RNASET2: variants seen among roughly 807,000 people sequenced by gnomAD.
RNASET2 encodes the protein ribonuclease 6.
RNASET2 carries 28 observed loss-of-function variants against 33.9 expected under a neutral mutation model. The ratio of observed to expected loss-of-function variants is 0.83; its 90% CI spans 0.61 to 1.13. The LOEUF (loss-of-function observed/expected upper bound fraction) is 1.13. RNASET2 is among the 50% of genes most tolerant of loss of function. The pLI is 0.00. For synonymous variants in RNASET2, 123 were observed against 121.0 expected (o/e 1.02, Z -0.11); for missense variants, 330 against 319.9 (o/e 1.03, Z -0.24).
intron 4 of RNASET2, among the ~76,000 whole-genome samples, chr6:166,945,803 C>T (rs1430772798): frequency 2.8e-5 from 4 of 144,448 alleles, no homozygotes; most frequent in Admixed American, 7.0e-5. Flanking sequence ...GCACTCCAGC[C>T]TGGGCAACAA....
chr6:166,926,455 A>G lies in RNASET2; in HGVS notation c.*3133T>C, dbSNP rs1021047535. Among the ~76,000 whole-genome samples the G allele has an allele frequency of 2.0e-5, 3 of 149,182 alleles. No homozygotes were observed. Among genetic ancestry groups the G allele is most frequent in the Non-Finnish European group, 3.0e-5 (2 of 67,568 alleles). ...AGGCTGAGGCAGAAGAATTGCTTGA[A>G]CCCAGGAGACAGAGGTTGCAGTGAG... On this transcript the variant is annotated 3_prime_UTR_variant, in exon 9 of 9. Coordinates refer to ENST00000508775, the MANE Select transcript of RNASET2 (RefSeq NM_003730.6).
chr6:166,956,141 G>A lies in RNASET2; in HGVS notation c.42C>T (p.Leu14=), dbSNP rs1338902707. The A allele has an allele frequency of 3.2e-6, 5 of 1,551,316 alleles. No homozygotes were observed. Among genetic ancestry groups the A allele is most frequent in the Non-Finnish European group, 4.4e-6 (5 of 1,147,044 alleles). ...AALRGALLGC[L]CLALLCLGGA... ...CGCCCAGGCAAAGCAACGCCAGGCAGAGGCAGCCCAGCAGGGCCCCGCGCA... is the reference window on the plus strand; with the variant it reads ...CGCCCAGGCAAAGCAACGCCAGGCAAAGGCAGCCCAGCAGGGCCCCGCGCA... Residue 14 remains leucine (L), a synonymous_variant, in exon 1 of 9, where the codon CTC becomes CTT. Transcript: ENST00000508775.
intron 7 of RNASET2, chr6:166,932,992 G>A (rs1445881449): frequency 2.0e-5 from 3 of 152,198 alleles, no homozygotes; most frequent in Admixed American, 2.0e-4. Context: ...TGGCTGCACA[G>A]GTAAGCAGAC....
At chr6:166,948,425 T>G in intron 3 of RNASET2, 145 bp downstream of exon 3, 1 of 714,698 alleles carries the variant, frequency 1.4e-6, no homozygotes, top group Non-Finnish European at 2.6e-6. Flanking sequence ...CTAGAAAGAC[T>G]AAAGATATTT....
Position 166,956,435 on chromosome 6 carries a change from T to A in RNASET2, c.-253A>T. 1.8e-6 allele frequency: 1 copy of A among 547,132 alleles called. No homozygotes were observed. Among genetic ancestry groups the A allele is most frequent in the Admixed American group, 3.2e-5 (1 of 31,034 alleles). The allele number at this position is 547,132 out of a possible 1,614,324, so 33.9% of individuals were successfully genotyped here. On this transcript the variant is annotated 5_prime_UTR_variant, in exon 1 of 9. Transcript: ENST00000508775. ...GACCCGGGCCCCTCGGAGCTCCCCT[T>A]CAGGATCGTGCACCAAGCGCGCACG...
intron 2 of RNASET2, 100 bp downstream of exon 2, chr6:166,952,388 C>T (rs938551927): frequency 2.2e-5 from 23 of 1,031,824 alleles, no homozygotes; most frequent in Non-Finnish European, 3.5e-5. Context: ...TGCCTACCTC[C>T]CGCACCAGCA....
intron 5 of RNASET2, among the ~76,000 whole-genome samples, chr6:166,940,596 C>T (rs1436136072): frequency 6.6e-6 from 1 of 152,194 alleles, no homozygotes; most frequent in Non-Finnish European, 1.5e-5. Context: ...AGCCCTTCCA[C>T]ATGAATGAAA....
chr6:166,929,649 C>A lies in RNASET2; in HGVS notation c.710G>T (p.Gly237Val). 1 of 1,614,122 alleles carries A rather than the reference C, an allele frequency of 6.2e-7. No individual in the cohort carries two copies. Among genetic ancestry groups the A allele is most frequent in the Non-Finnish European group, 8.5e-7 (1 of 1,180,014 alleles). Residue 237 changes from glycine (G) to valine (V), a missense_variant, in exon 9 of 9, where the codon GGT becomes GTT. Gly to Val is a moderately radical substitution (Grantham distance 109). Transcript: ENST00000508775. The stretch of plus-strand genomic sequence containing the variant: ...TGGGCCATCTTCACAGACTCTCAGA[C>A]CCCGGCTCTCGGCGGCCCCATTTGC... Reference protein sequence around the residue: ...WLANGAAESRGLRVCEDGPVF... With the variant: ...WLANGAAESRVLRVCEDGPVF...
Position 166,956,158 on chromosome 6 carries a change from C to A in RNASET2, c.25G>T (p.Ala9Ser). 2 of 1,550,364 alleles carry A rather than the reference C, an allele frequency of 1.3e-6. No individual in the cohort carries two copies. The highest frequency in any genetic ancestry group is 1.7e-6 in the Non-Finnish European group (2 of 1,146,722). The change falls in exon 1 of 9, where the codon GCC becomes TCC. Residue 9 changes from alanine to serine, a missense_variant. Transcript: ENST00000508775. MRPAALRG[A>S]LLGCLCLALL... ...GCCAGGCAGAGGCAGCCCAGCAGGG[C>A]CCCGCGCAGGGCTGCAGGGCGCATG...
intron 7 of RNASET2, chr6:166,931,544 C>T (rs952111273): frequency 3.6e-5 from 8 of 221,716 alleles, no homozygotes; most frequent in Admixed American, 1.6e-4. Context: ...CCCCTCCCCA[C>T]GGTGGACACA....
At chr6:166,947,347 T>C (rs1036255322) in intron 3 of RNASET2, among the ~76,000 whole-genome samples, 3 of 152,194 alleles carry the variant, frequency 2.0e-5, no homozygotes, top group Non-Finnish European at 4.4e-5. Context: ...CAACTCTGAC[T>C]CTTGAGTGCT....
intron 5 of RNASET2, among the ~76,000 whole-genome samples, chr6:166,940,876 A>C (rs1244228112): frequency 6.6e-6 from 1 of 151,634 alleles, no homozygotes; most frequent in African/African-American, 2.4e-5. Flanking sequence ...AGGCTCACCC[A>C]CCCACTGTCA....
At position 166,927,504 on chromosome 6, in the gene RNASET2, A is replaced by C. The variant is rs1438343717; in HGVS notation, c.*2084T>G. 6.6e-6 allele frequency among the ~76,000 whole-genome samples: 1 copy of C among 151,258 alleles called. No individual in the cohort carries two copies. Among genetic ancestry groups the C allele is most frequent in the Non-Finnish European group, 1.5e-5 (1 of 67,978 alleles). ...CTCAAATGCTCACACTCATATAATA[A>C]ATACACGCTACTTAAAAAAAAGAAT... On this transcript the variant is annotated 3_prime_UTR_variant, in exon 9 of 9. Coordinates refer to ENST00000508775, the MANE Select transcript of RNASET2 (RefSeq NM_003730.6).
At chr6:166,950,214 G>A (rs1476780481) in intron 2 of RNASET2, among the ~76,000 whole-genome samples, 1 of 151,026 alleles carries the variant, frequency 6.6e-6, no homozygotes, top group Non-Finnish European at 1.5e-5. Context: ...CTCCTCCACG[G>A]TCCTTCTTCC....
intron 2 of RNASET2, among the ~76,000 whole-genome samples, chr6:166,950,888 C>T (rs1284531306): frequency 2.0e-5 from 3 of 152,194 alleles, no homozygotes; most frequent in African/African-American, 7.2e-5. Flanking sequence ...TAGGGACCAG[C>T]CCTACAGGGA....
intron 1 of RNASET2, among the ~76,000 whole-genome samples, chr6:166,954,969 T>A (rs1779070411): frequency 6.6e-6 from 1 of 152,080 alleles, no homozygotes; most frequent in South Asian, 2.1e-4. Context: ...CCAGCCTGAG[T>A]GACAGAGTAA....
rs369065528 is a variant in RNASET2, at chr6:166,955,395, G to GCA, written c.86+701_86+702insTG. 5 of 262,122 alleles carry GCA rather than the reference G, an allele frequency of 1.9e-5. 1 individual carries two copies. Among genetic ancestry groups the GCA allele is most frequent in the Middle Eastern group, 4.4e-3 (2 of 458 alleles). The allele number at this position is 262,122 out of a possible 1,614,324, so 16.2% of individuals were successfully genotyped here. ...CAAACGCACACGCACACACACACAC[G>GCA]CGCACACACACACGCGCACACACAC... On this transcript the variant is annotated intron_variant, in intron 1 of 8. Transcript: ENST00000508775.
Position 166,929,356 on chromosome 6 carries a change from AC to A in RNASET2, c.*231del, listed in dbSNP as rs1778363910. ...AAGAGTTTAATAGAGAAAAAAAAAA[AC>A]AATCTGTGAGCTTTATCCCAAGCAC... On this transcript the variant is annotated 3_prime_UTR_variant, in exon 9 of 9. Coordinates refer to ENST00000508775, the MANE Select transcript of RNASET2 (RefSeq NM_003730.6). The A allele has an allele frequency of 3.4e-6, 2 of 586,432 alleles. No individual in the cohort carries two copies. The highest frequency in any genetic ancestry group is 1.9e-5 in the African/African-American group (1 of 53,246). The allele number at this position is 586,432 out of a possible 1,614,324, so 36.3% of individuals were successfully genotyped here. A position where few individuals can be genotyped will look rare whatever the true frequency, so the allele number is the denominator to read the frequency against.
chr6:166,952,617 A>G (rs564611405), intron 1 of RNASET2, 69 bp from the exon 2 acceptor site: 1 of 1,176,350 alleles, frequency 8.5e-7, no homozygotes, highest in African/African-American at 1.5e-5. Flanking sequence ...TCATCCACCC[A>G]TCCATCCCTT....
Sources: allele counts gnomAD v4.1 joint callset (sites outside exome capture counted in the v4.1 genomes callset), GRCh38; gene constraint gnomAD v4.1.1; transcripts MANE v1.5; gene names NCBI Gene and HGNC (gene_info 2026-07-23, HGNC 2026-07-21).